Variants in C11orf91 observed in about 807,000 individuals in gnomAD.
C11orf91 encodes chromosome 11 open reading frame 91.
C11orf91 carries 10 observed loss-of-function variants against 14.3 expected under a neutral mutation model. The ratio of observed to expected loss-of-function variants is 0.70; its 90% CI spans 0.43 to 1.18. The LOEUF (loss-of-function observed/expected upper bound fraction) is 1.18, where lower values mean the gene tolerates loss of function less well. Among genes scored for constraint, C11orf91 ranks in the 50% most tolerant of loss-of-function variants. The pLI is 0.00. For missense variants in C11orf91, 236 were observed against 269.0 expected (o/e 0.88, Z 0.86); for synonymous variants, 141 against 130.6 (o/e 1.08, Z -0.54).
chr11:33,700,276 G>C lies in C11orf91; in HGVS notation c.465C>G (p.Thr155=). ...GGGAGTCGAAGCCGTCCCCAGTGAT[G>C]GTGAGCAACTCCAGCTCCTTAATCC... The part of the protein sequence containing the change: ...EIRIKELELL[T]ITGDGFDSQS... Residue 155 remains threonine (T), a synonymous_variant, in exon 1 of 2, where the codon ACC becomes ACG. Coordinates refer to ENST00000379011, the MANE Select transcript of C11orf91 (RefSeq NM_001166692.2). The C allele has an allele frequency of 6.5e-7, 1 of 1,534,720 alleles. No individual in the cohort carries two copies. Among genetic ancestry groups the C allele is most frequent in the Non-Finnish European group, 8.7e-7 (1 of 1,146,290 alleles).
Position 33,700,482 on chromosome 11 carries a change from C to T in C11orf91, c.259G>A (p.Glu87Lys). 9.1e-7 allele frequency: 1 copy of T among 1,099,702 alleles called. No homozygotes were observed. Among genetic ancestry groups the T allele is most frequent in the Non-Finnish European group, 1.1e-6 (1 of 896,588 alleles). The allele number at this position is 1,099,702 out of a possible 1,614,324, so 68.1% of individuals were successfully genotyped here. A position where few individuals can be genotyped will look rare whatever the true frequency, so the allele number is the denominator to read the frequency against. The change falls in exon 1 of 2, where the codon GAG (glutamate) becomes AAG (lysine). Residue 87 changes from glutamate (E) to lysine (K), a missense_variant. By Grantham distance (56) the Glu-to-Lys change is moderately conservative (BLOSUM62 1). Transcript: ENST00000379011. Reference protein sequence around the residue: ...PPPPGLGPSSERPWPSPWPSG... With the variant: ...PPPPGLGPSSKRPWPSPWPSG... ...GGCCAGGGCGAGGGCCAGGGGCGCT[C>T]GCTGGAGGGACCCAGGCCGGGTGGT...
chr11:33,705,354 T>C (rs146297407), upstream of C11orf91: 36 of 152,312 alleles, frequency 2.4e-4, no homozygotes, highest in African/African-American at 7.7e-4. Flanking sequence ...AAGAACTAGG[T>C]TTAGAAGGTG....
upstream of C11orf91, among the ~76,000 whole-genome samples, chr11:33,702,029 GAGCTTCCCACACTT>G (rs1196256363): frequency 6.6e-6 from 1 of 152,108 alleles, no homozygotes; most frequent in Non-Finnish European, 1.5e-5. Flanking sequence ...TTCCCACACT[GAGCTTCCCACACTT>G]AGTTGTCACA....
chr11:33,703,490 G>A (rs1853178408), upstream of C11orf91: 1 of 152,220 alleles, frequency 6.6e-6, no homozygotes, highest in South Asian at 2.1e-4. Context: ...GTACCATCCT[G>A]TTGGAGCTTC....
rs560695528 is a variant in C11orf91 at position 33,700,725 on chromosome 11, G to A, written c.16C>T (p.Arg6Cys). 8.7e-5 allele frequency: 120 copies of A among 1,375,792 alleles called. 1 individual carries two copies. Among genetic ancestry groups the A allele is most frequent in the African/African-American group, 7.9e-4 (53 of 67,034 alleles). The allele number at this position is 1,375,792 out of a possible 1,614,324, so 85.2% of individuals were successfully genotyped here. The stretch of plus-strand genomic sequence containing the variant: ...CTCATGGTGGGGCTGTGGCTGCCGC[G>A]CCGCCCCTTTGGCATCGTTTGAATG... MPKGRRGSHSPTMSQR... is the reference protein window; with the variant it reads MPKGRCGSHSPTMSQR... The change falls in exon 1 of 2, where the codon CGC becomes TGC. Residue 6 changes from arginine to cysteine, a missense_variant. Transcript: ENST00000379011.
At chr11:33,706,215 T>A in the C11orf91 span, 1 of 151,750 alleles carries the variant, frequency 6.6e-6, no homozygotes, top group Non-Finnish European at 1.5e-5. Flanking sequence ...GAAATTAAGG[T>A]ACTGTGGTCA....
upstream of C11orf91, chr11:33,703,340 G>A (rs575561255): frequency 3.3e-5 from 5 of 152,230 alleles, no homozygotes; most frequent in African/African-American, 1.2e-4. Flanking sequence ...AAAACCCTAC[G>A]GTTGTTTCTG....
At chr11:33,703,096 A>G (rs1170182689), upstream of C11orf91, 1 of 152,160 alleles carries the variant, frequency 6.6e-6, no homozygotes, top group Non-Finnish European at 1.5e-5. Context: ...AGGAGAAAAA[A>G]TTACAGATTT....
upstream of C11orf91, among the ~76,000 whole-genome samples, chr11:33,702,210 C>A (rs1853139480): frequency 6.6e-6 from 1 of 152,258 alleles, no homozygotes; most frequent in South Asian, 2.1e-4. Flanking sequence ...AATCCCAGCA[C>A]TCTGGGAGTC....
In C11orf91 at chr11:33,700,416, A is replaced by G. The variant is rs1435075850; in HGVS notation, c.325T>C (p.Phe109Leu). ...ASIPYEPLRF[F>L]YSPPPGPEVV... ...TCAGGCCCCGGCGGCGGTGAGTAGAAGAAGCGCAGAGGCTCGTAGGGGATG... is the reference window on the plus strand; with the variant it reads ...TCAGGCCCCGGCGGCGGTGAGTAGAGGAAGCGCAGAGGCTCGTAGGGGATG... Residue 109 changes from phenylalanine (F) to leucine (L), a missense_variant, in exon 1 of 2, where the codon TTC becomes CTC. Physicochemically the swap from Phe to Leu is conservative, Grantham distance 22. Coordinates refer to ENST00000379011, the MANE Select transcript of C11orf91 (RefSeq NM_001166692.2). 6.6e-7 allele frequency: 1 copy of G among 1,516,560 alleles called. No individual in the cohort carries two copies. The highest frequency in any genetic ancestry group is 1.2e-5 in the South Asian group (1 of 82,682). 93.9% of individuals were successfully genotyped at this position (1,516,560 alleles called of 1,614,324 possible).
intron 1 of C11orf91, among the ~76,000 whole-genome samples, chr11:33,699,179 G>A (rs1471643958): frequency 6.6e-6 from 1 of 152,120 alleles, no homozygotes; most frequent in Non-Finnish European, 1.5e-5. Context: ...TCATAGTTAA[G>A]AAATCCAGGA....
chr11:33,699,739 G>A (rs1853089080), intron 1 of C11orf91: 1 of 420,734 alleles, frequency 2.4e-6, no homozygotes, highest in South Asian at 1.6e-5. Flanking sequence ...TCCCAAAGCT[G>A]CCCTGGAAAC....
Position 33,698,488 on chromosome 11 carries a change from C to T in C11orf91, c.523G>A (p.Glu175Lys), listed in dbSNP as rs963493926. 23 of 1,537,342 alleles carry T rather than the reference C, an allele frequency of 1.5e-5. No homozygotes were observed. The Admixed American group carries it at 2.4e-4, about 16-fold the overall frequency. ...TTGGTCTTCAGTCCTTGTAACTTTT[C>T]GTCTTTTAGCGCCTTCAGGAATGTG... ...SYTFLKALKD[E>K]KLQGLKTKQP... The change falls in exon 2 of 2, where the codon GAA becomes AAA. Residue 175 changes from glutamate to lysine, a missense_variant. Physicochemically the swap from Glu to Lys is moderately conservative, Grantham distance 56 (BLOSUM62 1). Transcript: ENST00000379011.
chr11:33,698,500 C>A lies in C11orf91; in HGVS notation c.511G>T (p.Ala171Ser). Reference sequence around the variant, plus strand: ...CCTTGTAACTTTTCGTCTTTTAGCGCCTTCAGGAATGTGTCTGCAGGAGAG... The same window carrying A: ...CCTTGTAACTTTTCGTCTTTTAGCGACTTCAGGAATGTGTCTGCAGGAGAG... Reference protein sequence around the residue: ...FDSQSYTFLKALKDEKLQGLK... With the variant: ...FDSQSYTFLKSLKDEKLQGLK... The change falls in exon 2 of 2, where the codon GCG becomes TCG. Residue 171 changes from alanine (A) to serine (S), a missense_variant. By Grantham distance (99) the Ala-to-Ser change is moderately conservative (BLOSUM62 1). Transcript: ENST00000379011. The A allele has an allele frequency of 2.0e-6, 3 of 1,537,408 alleles. No individual in the cohort carries two copies. The highest frequency in any genetic ancestry group is 2.6e-6 in the Non-Finnish European group (3 of 1,146,814).
chr11:33,702,668 C>T (rs755537687), upstream of C11orf91: 24 of 314,162 alleles, frequency 7.6e-5, no homozygotes, highest in South Asian at 5.8e-4. Flanking sequence ...CCCCATGTAC[C>T]TGCGTAATAA....
At chr11:33,705,990 C>T in the C11orf91 span, 7,191 of 151,956 alleles carry the variant, frequency 0.047, 324 homozygotes, top group African/African-American at 0.11. Flanking sequence ...TATGTAGCTG[C>T]GAATAGCAAG....
intron 1 of C11orf91, among the ~76,000 whole-genome samples, 168 bp from the exon 2 acceptor site, chr11:33,698,682 CAT>C (rs1209396212): frequency 6.6e-6 from 1 of 151,708 alleles, no homozygotes; most frequent in African/African-American, 2.4e-5. Context: ...ACTGTAAAAA[CAT>C]GTAACTGGTT....
rs1300444662 is a variant in C11orf91, at chr11:33,700,453, GGAGGGCCAGGGC to G, written c.276_287del (p.Pro93_Ser96del). The G allele has an allele frequency of 4.1e-6, 6 of 1,476,882 alleles. No individual in the cohort carries two copies. In the South Asian group the frequency reaches 6.6e-5, roughly 16 times the overall value. 91.5% of individuals were successfully genotyped at this position (1,476,882 alleles called of 1,614,324 possible). A position where few individuals can be genotyped will look rare whatever the true frequency, so the allele number is the denominator to read the frequency against. Reference sequence around the variant, plus strand: ...GCTCGTAGGGGATGGAGGCCAGGCCGGAGGGCCAGGGCGAGGGCCAGGGGCGCTCGCTGGAGG... The same window carrying G: ...GCTCGTAGGGGATGGAGGCCAGGCCGGAGGGCCAGGGGCGCTCGCTGGAGG... On this transcript the variant is annotated inframe_deletion, in exon 1 of 2. Coordinates refer to ENST00000379011, the MANE Select transcript of C11orf91 (RefSeq NM_001166692.2).
chr11:33,703,733 A>G (rs1347797247), upstream of C11orf91: 1 of 152,168 alleles, frequency 6.6e-6, no homozygotes, highest in Non-Finnish European at 1.5e-5. Context: ...CAAGGACAGG[A>G]CTGATTCTTC....
Sources: gnomAD v4.1 joint callset for allele counts (sites outside exome capture counted in the v4.1 genomes callset) on GRCh38, gnomAD v4.1.1 for gene constraint, MANE v1.5 for transcripts, NCBI Gene and HGNC (gene_info 2026-07-23, HGNC 2026-07-21) for gene names.